The following BTG4 variants were observed in gnomAD, a reference collection of about 807,000 sequenced individuals.
BTG4 encodes protein BTG4.
BTG4 carries 10 observed loss-of-function variants against 19.3 expected under a neutral mutation model. The observed-to-expected ratio is 0.52, with a 90% CI of 0.32 to 0.88. BTG4 has a LOEUF of 0.88. Among genes scored for constraint, BTG4 ranks in the 40% least tolerant of loss-of-function variants. BTG4 has a pLI of 0.04. For missense variants in BTG4, 238 were observed against 281.9 expected, an observed-to-expected ratio of 0.84 and a Z score of 1.11; for synonymous variants, 91 against 95.7, an observed-to-expected ratio of 0.95 and a Z score of 0.29.
chr11:111,500,221 G>A (rs919898570), intron 1 of BTG4, among the ~76,000 whole-genome samples: 6 of 152,122 alleles, frequency 3.9e-5, no homozygotes, highest in Admixed American at 1.3e-4. Flanking sequence ...CTCTTCTCAA[G>A]GTAAGGCCTG....
At chr11:111,395,914 C>A in the BTG4 span, among the ~76,000 whole-genome samples, 1 of 152,258 alleles carries the variant, frequency 6.6e-6, no homozygotes, top group Non-Finnish European at 1.5e-5. Flanking sequence ...CTTTGCACAG[C>A]CCCTCAACCT....
the BTG4 span, among the ~76,000 whole-genome samples, chr11:111,440,374 A>G: frequency 6.6e-6 from 1 of 152,254 alleles, no homozygotes; most frequent in Non-Finnish European, 1.5e-5. Context: ...CACCAGCTAA[A>G]GAGGTCTTTT....
intron 1 of BTG4, among the ~76,000 whole-genome samples, chr11:111,508,469 A>G (rs1185390885): frequency 1.3e-5 from 2 of 151,890 alleles, no homozygotes; most frequent in Non-Finnish European, 2.9e-5. Context: ...TATTTCCCCA[A>G]TGGGAACACA....
At chr11:111,438,442 G>A in the BTG4 span, among the ~76,000 whole-genome samples, 2 of 152,150 alleles carry the variant, frequency 1.3e-5, no homozygotes. Context: ...CTTTCTCTGT[G>A]AAACCTTCCT....
chr11:111,434,962 C>T, the BTG4 span: 1 of 152,268 alleles, frequency 6.6e-6, no homozygotes, highest in Non-Finnish European at 1.5e-5. Flanking sequence ...TAAGATCTCA[C>T]CTGACAAGCC....
downstream of BTG4, among the ~76,000 whole-genome samples, chr11:111,465,470 A>C (rs1863667067): frequency 6.6e-6 from 1 of 152,228 alleles, no homozygotes; most frequent in African/African-American, 2.4e-5. Flanking sequence ...AACTCTTTAG[A>C]TGTATTAACT....
the BTG4 span, among the ~76,000 whole-genome samples, chr11:111,443,425 T>G: frequency 1.4e-4 from 22 of 152,226 alleles, no homozygotes; most frequent in African/African-American, 4.1e-4. Flanking sequence ...ATGTACCATA[T>G]TAATGTAAGC....
chr11:111,399,795 T>C, the BTG4 span, among the ~76,000 whole-genome samples: 2 of 152,088 alleles, frequency 1.3e-5, no homozygotes, highest in African/African-American at 4.8e-5. Context: ...AGAAGAGGTG[T>C]GGGACTTGCA....
chr11:111,486,847 T>C (rs1289576348), intron 5 of BTG4, among the ~76,000 whole-genome samples: 1 of 152,200 alleles, frequency 6.6e-6, no homozygotes, highest in Non-Finnish European at 1.5e-5. Context: ...TGGTGATACA[T>C]GTGCAGGACG....
chr11:111,428,279 C>T, the BTG4 span, among the ~76,000 whole-genome samples: 8,870 of 152,232 alleles, frequency 0.058, 350 homozygotes, highest in Middle Eastern at 0.15. Context: ...GATGAAGGAA[C>T]TGAGTTCCCT....
At chr11:111,386,580 T>A in the BTG4 span, among the ~76,000 whole-genome samples, 2 of 152,216 alleles carry the variant, frequency 1.3e-5, no homozygotes, top group African/African-American at 4.8e-5. Context: ...AGGAGGGCCA[T>A]GAATCCTGTG....
chr11:111,394,753 G>A, the BTG4 span, among the ~76,000 whole-genome samples: 1 of 152,146 alleles, frequency 6.6e-6, no homozygotes. Flanking sequence ...TGCCTGGTTT[G>A]AGAGACAGAC....
the BTG4 span, among the ~76,000 whole-genome samples, chr11:111,444,743 A>G: frequency 6.6e-6 from 1 of 152,222 alleles, no homozygotes; most frequent in Non-Finnish European, 1.5e-5. Context: ...AAGAAGAGGT[A>G]AGGGAATCAA....
chr11:111,464,522 C>T (rs1427611477), downstream of BTG4: 1 of 152,226 alleles, frequency 6.6e-6, no homozygotes, highest in East Asian at 1.9e-4. Flanking sequence ...AGGCCCTCAC[C>T]TCAATAACTA....
At chr11:111,479,101 A>G (rs1027209313) in intron 5 of BTG4, among the ~76,000 whole-genome samples, 1 of 152,136 alleles carries the variant, frequency 6.6e-6, no homozygotes, top group South Asian at 2.1e-4. Flanking sequence ...CAAAGAAAAA[A>G]TCTTGAAAGC....
chr11:111,399,169 A>G, the BTG4 span: 2 of 152,214 alleles, frequency 1.3e-5, no homozygotes, highest in Non-Finnish European at 2.9e-5. Flanking sequence ...TGAAGCCACA[A>G]TTGTAGCCAC....
Position 111,500,739 on chromosome 11 carries a change from TG to T in BTG4, c.-26-1938del, listed in dbSNP as rs763595341. Among the ~76,000 whole-genome samples the T allele has an allele frequency of 3.9e-5, 6 of 151,958 alleles. 1 individual carries two copies. Among genetic ancestry groups the T allele is most frequent in the Non-Finnish European group, 7.4e-5 (5 of 67,998 alleles). ...TGTGCTCCACCCCTAAAGACTAGCA[TG>T]GGACTGTTGCTTCCCTCCCTCTGAA... On this transcript the variant is annotated intron_variant, in intron 1 of 4. Coordinates refer to ENST00000692032, the MANE Select transcript of BTG4 (RefSeq NM_001367975.1).
At chr11:111,436,406 A>G in the BTG4 span, among the ~76,000 whole-genome samples, 1 of 152,158 alleles carries the variant, frequency 6.6e-6, no homozygotes, top group East Asian at 1.9e-4. Flanking sequence ...TGGGTGGATC[A>G]CCTGAGGTCA....
the BTG4 span, among the ~76,000 whole-genome samples, chr11:111,421,034 G>T: frequency 6.6e-6 from 1 of 152,182 alleles, no homozygotes; most frequent in African/African-American, 2.4e-5. Flanking sequence ...GGATGGGAAA[G>T]AACATGCCAG....
Sources: allele counts gnomAD v4.1 joint callset (sites outside exome capture counted in the v4.1 genomes callset), GRCh38; gene constraint gnomAD v4.1.1; transcripts MANE v1.5; gene names NCBI Gene and HGNC (gene_info 2026-07-23, HGNC 2026-07-21).